Variants in SGCZ observed in about 807,000 individuals in gnomAD.
The protein encoded by SGCZ is sarcoglycan zeta, also known as zeta-sarcoglycan.
A neutral mutation model predicts 41.3 loss-of-function variants in SGCZ; 40 were observed. The ratio of observed to expected loss-of-function variants is 0.97; its 90% CI spans 0.75 to 1.26. The LOEUF (loss-of-function observed/expected upper bound fraction) is 1.26, where lower values mean the gene tolerates loss of function less well. SGCZ is among the 50% of genes most tolerant of loss of function. The pLI, the probability that SGCZ is intolerant of heterozygous loss-of-function variation, is 0.00. For synonymous variants in SGCZ, 206 were observed against 137.5 expected (o/e 1.50, Z -3.49); for missense variants, 552 against 369.8 (o/e 1.49, Z -4.04).
At chr8:14,283,340 C>G (rs528868585) in intron 3 of SGCZ, among the ~76,000 whole-genome samples, 21 of 152,304 alleles carry the variant, frequency 1.4e-4, no homozygotes, top group Admixed American at 3.9e-4. Context: ...CCACTTTCCT[C>G]TGTCGCAACT....
At chr8:14,855,297 G>C (rs900933525) in intron 1 of SGCZ, among the ~76,000 whole-genome samples, 1 of 152,094 alleles carries the variant, frequency 6.6e-6, no homozygotes, top group Non-Finnish European at 1.5e-5. Flanking sequence ...TGATCCGCCT[G>C]CTTTGGCCTC....
At chr8:14,788,835 G>T (rs1269553295) in intron 1 of SGCZ, among the ~76,000 whole-genome samples, 3 of 152,150 alleles carry the variant, frequency 2.0e-5, no homozygotes, top group African/African-American at 7.2e-5. Flanking sequence ...TTTAGACCAG[G>T]CACAGTGGCT....
rs376994654 is a variant in SGCZ at position 14,825,164 on chromosome 8, G to C, written c.40-270238C>G. 2.7e-4 allele frequency among the ~76,000 whole-genome samples: 41 copies of C among 152,182 alleles called. No homozygotes were observed. The South Asian group carries it at 8.5e-3, about 32-fold the overall frequency. ...AAATTGATATTTCATGGAGCGCTGT[G>C]AATTATCTGTTAAAAACAAAAATCT... is the stretch of plus-strand genomic sequence containing the variant. On this transcript the variant is annotated intron_variant, in intron 1 of 7. Coordinates refer to ENST00000382080, the MANE Select transcript of SGCZ (RefSeq NM_139167.4).
chr8:15,231,251 G>A (rs1007850433), intron 1 of SGCZ, among the ~76,000 whole-genome samples: 2 of 152,042 alleles, frequency 1.3e-5, no homozygotes, highest in African/African-American at 4.8e-5. Flanking sequence ...ATTTTTAAAG[G>A]TTTCATATGT....
At chr8:14,928,068 G>C (rs959670637) in intron 1 of SGCZ, among the ~76,000 whole-genome samples, 8 of 152,114 alleles carry the variant, frequency 5.3e-5, no homozygotes, top group African/African-American at 1.9e-4. Context: ...TGAAATTTTA[G>C]GGTGCAGTCC....
chr8:14,178,503 G>A (rs760345619), intron 4 of SGCZ, among the ~76,000 whole-genome samples: 30 of 152,174 alleles, frequency 2.0e-4, no homozygotes, highest in Non-Finnish European at 3.5e-4. Flanking sequence ...ATGAGTTTAT[G>A]ATGCTTTCTC....
At chr8:14,691,068 T>C (rs1420010409) in intron 1 of SGCZ, among the ~76,000 whole-genome samples, 1 of 152,176 alleles carries the variant, frequency 6.6e-6, no homozygotes, top group Non-Finnish European at 1.5e-5. Flanking sequence ...ATGTATCACT[T>C]TTTAGCATAC....
At chr8:14,382,147 G>C (rs934317601) in intron 2 of SGCZ, among the ~76,000 whole-genome samples, 2 of 134,840 alleles carry the variant, frequency 1.5e-5, no homozygotes, top group Admixed American at 7.2e-5. Flanking sequence ...ACTGTTTGTG[G>C]AACAAATTTT....
At chr8:14,244,012 G>A (rs1361808835) in intron 3 of SGCZ, among the ~76,000 whole-genome samples, 1 of 152,100 alleles carries the variant, frequency 6.6e-6, no homozygotes. Context: ...CATACTTTAT[G>A]TTCAATAAAT....
chr8:14,873,280 C>T (rs568323999), intron 1 of SGCZ, among the ~76,000 whole-genome samples: 1 of 152,204 alleles, frequency 6.6e-6, no homozygotes, highest in African/African-American at 2.4e-5. Context: ...GAGGAAAGAG[C>T]ATAGATGAGT....
At chr8:14,321,197 C>A (rs1401488665) in intron 3 of SGCZ, among the ~76,000 whole-genome samples, 2 of 152,006 alleles carry the variant, frequency 1.3e-5, no homozygotes, top group African/African-American at 4.8e-5. Flanking sequence ...TATGAGTAAT[C>A]TTCCCTGAGA....
intron 2 of SGCZ, among the ~76,000 whole-genome samples, chr8:14,377,646 A>T (rs1011763341): frequency 2.0e-5 from 3 of 151,934 alleles, no homozygotes; most frequent in African/African-American, 7.3e-5. Context: ...GTCATCTAGC[A>T]TTAGGTATAT....
At chr8:15,010,043 A>C (rs1802770434) in intron 1 of SGCZ, among the ~76,000 whole-genome samples, 1 of 152,060 alleles carries the variant, frequency 6.6e-6, no homozygotes, top group African/African-American at 2.4e-5. Flanking sequence ...TTTTTCTGCT[A>C]CCTTTAATAC....
chr8:15,054,956 C>T (rs578076078), intron 1 of SGCZ, among the ~76,000 whole-genome samples: 134 of 80,040 alleles, frequency 1.7e-3, no homozygotes, highest in African/African-American at 4.4e-3. Flanking sequence ...AGCAAGACTC[C>T]ATCTCAAAAA....
intron 2 of SGCZ, among the ~76,000 whole-genome samples, chr8:14,398,937 ATTTTC>A (rs1235464492): frequency 5.3e-5 from 8 of 151,938 alleles, no homozygotes; most frequent in Non-Finnish European, 1.2e-4. Flanking sequence ...TTCCGTTACA[ATTTTC>A]TTTTCTTTTT....
At chr8:14,261,857 G>A (rs1413991715) in intron 3 of SGCZ, among the ~76,000 whole-genome samples, 1 of 152,050 alleles carries the variant, frequency 6.6e-6, no homozygotes, top group Non-Finnish European at 1.5e-5. Flanking sequence ...ATTTGAAGAC[G>A]GTCAGAGGAT....
At chr8:14,343,249 G>GCC (rs1363806010) in intron 2 of SGCZ, among the ~76,000 whole-genome samples, 1 of 152,188 alleles carries the variant, frequency 6.6e-6, no homozygotes, top group Non-Finnish European at 1.5e-5. Flanking sequence ...TGGGGTCAGA[G>GCC]CCCCCACACA....
At chr8:14,504,296 T>C (rs997548536) in intron 2 of SGCZ, among the ~76,000 whole-genome samples, 2 of 152,200 alleles carry the variant, frequency 1.3e-5, no homozygotes, top group Non-Finnish European at 2.9e-5. Flanking sequence ...TTCACAAATA[T>C]CTTTTTTAAT....
At chr8:14,506,346 G>C (rs1259979966) in intron 2 of SGCZ, among the ~76,000 whole-genome samples, 1 of 151,958 alleles carries the variant, frequency 6.6e-6, no homozygotes, top group African/African-American at 2.4e-5. Context: ...TTGTACATTA[G>C]CTCCCGTTTC....
Sources: gnomAD v4.1 joint callset for allele counts (sites outside exome capture counted in the v4.1 genomes callset) on GRCh38, gnomAD v4.1.1 for gene constraint, MANE v1.5 for transcripts, NCBI Gene and HGNC (gene_info 2026-07-23, HGNC 2026-07-21) for gene names.